Variants in CAST observed in about 807,000 individuals in gnomAD.
CAST encodes the protein calpastatin.
In CAST, 76 loss-of-function variants were observed where a neutral mutation model predicts 119.6. That is an observed-to-expected ratio of 0.64 (90% CI 0.53 to 0.77). The LOEUF (loss-of-function observed/expected upper bound fraction) is 0.77. Ranked by LOEUF, CAST falls within the 30% of genes least tolerant of loss-of-function variation. The pLI is 0.00. For missense variants in CAST, 953 were observed against 946.5 expected (o/e 1.01, Z -0.09); for synonymous variants, 319 against 331.6 (o/e 0.96, Z 0.41).
chr5:96,176,656 T>G, the CAST span, among the ~76,000 whole-genome samples: 1 of 152,242 alleles, frequency 6.6e-6, no homozygotes, highest in African/African-American at 2.4e-5. Flanking sequence ...TGGCATACTT[T>G]CACTTTTCTG....
At chr5:96,086,503 C>G in the CAST span, among the ~76,000 whole-genome samples, 2 of 152,220 alleles carry the variant, frequency 1.3e-5, no homozygotes, top group Non-Finnish European at 2.9e-5. Flanking sequence ...TCTCTATAAA[C>G]TACCTCAGAT....
At chr5:96,198,973 T>G in the CAST span, among the ~76,000 whole-genome samples, 3 of 152,158 alleles carry the variant, frequency 2.0e-5, no homozygotes, top group Non-Finnish European at 4.4e-5. Flanking sequence ...GTCTTACTGG[T>G]CTTATGACTT....
the CAST span, among the ~76,000 whole-genome samples, chr5:96,250,566 G>T: frequency 6.6e-6 from 1 of 152,082 alleles, no homozygotes; most frequent in Non-Finnish European, 1.5e-5. Context: ...CTTCTTGTTG[G>T]TCAGAATTGC....
the CAST span, among the ~76,000 whole-genome samples, chr5:96,021,725 T>C: frequency 3.9e-4 from 60 of 152,264 alleles, no homozygotes; most frequent in Middle Eastern, 3.4e-3. Context: ...GGATTACAGG[T>C]GTGAGCCACT....
the CAST span, among the ~76,000 whole-genome samples, chr5:96,108,619 C>T: frequency 6.6e-6 from 1 of 151,918 alleles, no homozygotes. Context: ...AACCACTGCT[C>T]TCTTCAAAGC....
chr5:96,513,922 T>C, the CAST span, among the ~76,000 whole-genome samples: 1 of 152,234 alleles, frequency 6.6e-6, no homozygotes, highest in Non-Finnish European at 1.5e-5. Context: ...TTCTAGCTTC[T>C]GGCAGTGGTC....
the CAST span, among the ~76,000 whole-genome samples, chr5:96,035,115 A>G: frequency 3.2e-4 from 46 of 144,474 alleles, no homozygotes; most frequent in Non-Finnish European, 5.3e-4. Context: ...TTCAAGATAT[A>G]TATAATATTT....
the CAST span, chr5:95,986,350 A>G: frequency 1.3e-5 from 2 of 152,224 alleles, no homozygotes; most frequent in African/African-American, 4.8e-5. Flanking sequence ...ATTCCTGAGG[A>G]CAATCTAAAA....
chr5:96,433,400 AG>A, the CAST span: 1 of 361,104 alleles, frequency 2.8e-6, no homozygotes, highest in Non-Finnish European at 5.4e-6. Context: ...GCCAGGGATT[AG>A]GAAAAGGAAG....
the CAST span, among the ~76,000 whole-genome samples, chr5:95,964,682 G>C: frequency 7.9e-5 from 12 of 152,264 alleles, no homozygotes; most frequent in Admixed American, 6.5e-4. Context: ...ATGATTCCAG[G>C]TGGACACATT....
At chr5:96,201,249 C>G in the CAST span, among the ~76,000 whole-genome samples, 554 of 152,196 alleles carry the variant, frequency 3.6e-3, 6 homozygotes, top group African/African-American at 0.013. Flanking sequence ...ATTTATTTAG[C>G]AACTATGTGC....
At chr5:96,407,726 C>T in the CAST span, among the ~76,000 whole-genome samples, 1 of 152,168 alleles carries the variant, frequency 6.6e-6, no homozygotes, top group East Asian at 1.9e-4. Flanking sequence ...AAACTCCTGC[C>T]TTTAAATCTC....
the CAST span, among the ~76,000 whole-genome samples, chr5:96,512,708 G>A: frequency 6.6e-6 from 1 of 152,242 alleles, no homozygotes; most frequent in East Asian, 1.9e-4. Flanking sequence ...TGACTATCAA[G>A]ATATCAGCCA....
At position 96,617,790 on chromosome 5, in the gene CAST, T is replaced by TAAAAAAAA. The variant is rs1162873931; in HGVS notation, c.61-57717_61-57710dup. On this transcript the variant is annotated intron_variant, in intron 1 of 11. Transcript: ENST00000505143. Reference sequence around the variant, plus strand: ...CTGGGCAACAGAGCAAAATTCCATCTAAAAAAAAAAAAAAAAAAAAAAAAA... The same window carrying TAAAAAAAA: ...CTGGGCAACAGAGCAAAATTCCATCTAAAAAAAAAAAAAAAAAAAAAAAAAAAAAAAAA... Among the ~76,000 whole-genome samples the TAAAAAAAA allele has an allele frequency of 1.1e-3, 24 of 21,998 alleles. 3 individuals are homozygous for TAAAAAAAA. The highest frequency in any genetic ancestry group is 1.5e-3 in the Non-Finnish European group (14 of 9,034). The allele number at this position is 21,998 out of a possible 152,430, so 14.4% of individuals were successfully genotyped here. A position where few individuals can be genotyped will look rare whatever the true frequency, so the allele number is the denominator to read the frequency against.
the CAST span, among the ~76,000 whole-genome samples, chr5:96,214,699 C>T: frequency 6.6e-6 from 1 of 151,934 alleles, no homozygotes; most frequent in African/African-American, 2.4e-5. Context: ...AAAAACAACA[C>T]AAAACAAAAA....
intron 1 of CAST, among the ~76,000 whole-genome samples, chr5:96,601,435 G>C (rs1174745033): frequency 6.6e-6 from 1 of 152,206 alleles, no homozygotes. Context: ...TGCATAGAAG[G>C]TTACTACGGA....
the CAST span, among the ~76,000 whole-genome samples, chr5:95,979,698 G>T: frequency 1.3e-5 from 2 of 152,162 alleles, no homozygotes; most frequent in Admixed American, 6.5e-5. Context: ...TTTAAGAAGA[G>T]CTATACATAT....
At chr5:96,466,963 T>C in the CAST span, among the ~76,000 whole-genome samples, 3 of 152,156 alleles carry the variant, frequency 2.0e-5, no homozygotes, top group Non-Finnish European at 4.4e-5. Flanking sequence ...ACCAACAATT[T>C]ATAATACTTT....
chr5:96,612,634 A>G lies in CAST; in HGVS notation c.61-62905A>G, dbSNP rs996346628. Among the ~76,000 whole-genome samples, 47 of 152,212 alleles carry G rather than the reference A, an allele frequency of 3.1e-4. 1 individual carries two copies. The highest frequency in any genetic ancestry group is 7.4e-5 in the Non-Finnish European group (5 of 68,022). On this transcript the variant is annotated intron_variant, in intron 1 of 11. Coordinates refer to the CAST transcript ENST00000505143. ...ATCTGCACTTGTACCGGTTTAAAGAAATAAATACGTTTTAATCTAATCAAA... is the reference window on the plus strand; with the variant it reads ...ATCTGCACTTGTACCGGTTTAAAGAGATAAATACGTTTTAATCTAATCAAA...
Sources: gnomAD v4.1 joint callset for allele counts (sites outside exome capture counted in the v4.1 genomes callset) on GRCh38, gnomAD v4.1.1 for gene constraint, MANE v1.5 for transcripts, NCBI Gene and HGNC (gene_info 2026-07-23, HGNC 2026-07-21) for gene names.